EFEMP1: variants seen among roughly 807,000 people sequenced by gnomAD.
EFEMP1 encodes EGF-like fibulin extracellular matrix protein 1, also known as EGF-containing fibulin-like extracellular matrix protein 1.
EFEMP1 carries 18 observed loss-of-function variants against 65.7 expected under a neutral mutation model. The ratio of observed to expected loss-of-function variants is 0.27; its 90% CI spans 0.19 to 0.41. The LOEUF is 0.41. EFEMP1 is among the 10% of genes least tolerant of loss of function. The pLI, the probability that EFEMP1 is intolerant of heterozygous loss-of-function variation, is 1.00. For synonymous variants in EFEMP1, 237 were observed against 219.7 expected (o/e 1.08, Z -0.70); for missense variants, 469 against 624.8 (o/e 0.75, Z 2.66).
chr2:55,871,149 T>C lies in EFEMP1; in HGVS notation c.1001-26A>G. On this transcript the variant is annotated intron_variant, in intron 9 of 11. Coordinates refer to ENST00000355426, the MANE Select transcript of EFEMP1 (RefSeq NM_001039348.3). The surrounding 1 kb of genome is among the most constrained non-coding windows in gnomAD (Gnocchi z 4.2). ...CTGTAGAGATGTAGGGTCAAAGAGT[T>C]TACTAACTAAACTAATGAACTGATC... The C allele has an allele frequency of 6.2e-7, 1 of 1,612,990 alleles. No individual in the cohort carries two copies. Among genetic ancestry groups the C allele is most frequent in the Non-Finnish European group, 8.5e-7 (1 of 1,179,420 alleles).
rs1011739087 is a variant in EFEMP1 at position 55,922,884 on chromosome 2, T to C, written c.-8+15A>G. 7 of 1,131,122 alleles carry C rather than the reference T, an allele frequency of 6.2e-6. No individual in the cohort carries two copies. In the East Asian group the frequency reaches 3.8e-4, roughly 61 times the overall value. The allele number at this position is 1,131,122 out of a possible 1,614,324, so 70.1% of individuals were successfully genotyped here. On this transcript the variant is annotated intron_variant, in intron 2 of 11. Coordinates refer to ENST00000355426, the MANE Select transcript of EFEMP1 (RefSeq NM_001039348.3). This position sits in a 1 kb window ranked among gnomAD's most constrained non-coding sequence, Gnocchi z 5.5. Reference sequence around the variant, plus strand: ...TCTGTTCTCTAGAACGTTAAGGCTTTCCCAGTATACTCACCTTGAGCTAGC... The same window carrying C: ...TCTGTTCTCTAGAACGTTAAGGCTTCCCCAGTATACTCACCTTGAGCTAGC...
At chr2:55,915,627 G>GT (rs936834309) in intron 5 of EFEMP1, among the ~76,000 whole-genome samples, 11 of 150,560 alleles carry the variant, frequency 7.3e-5, no homozygotes, top group South Asian at 4.2e-4. Flanking sequence ...CATTTATCTG[G>GT]TTTTTTTTTC....
Position 55,875,022 on chromosome 2 carries a change from T to C in EFEMP1, c.924A>G (p.Gln308=), listed in dbSNP as rs146846635. The C allele has an allele frequency of 1.4e-5, 23 of 1,608,126 alleles. No homozygotes were observed. The African/African-American group carries it at 2.6e-4, about 18-fold the overall frequency. ...AGAATTTCCCAGGTTCATTGACACA[T>C]TGATATTGACACAGGTAGCTTGAGG... ...CRTSSYLCQY[Q]CVNEPGKFSC... is the part of the protein sequence containing the mutation. The change falls in exon 9 of 12, where the codon CAA becomes CAG. Residue 308 remains glutamine, a synonymous_variant. Coordinates refer to ENST00000355426, the MANE Select transcript of EFEMP1 (RefSeq NM_001039348.3).
intron 5 of EFEMP1, among the ~76,000 whole-genome samples, chr2:55,908,098 G>A (rs1048326266): frequency 1.3e-5 from 2 of 152,120 alleles, no homozygotes; most frequent in African/African-American, 4.8e-5. Context: ...GCTCCCCCGA[G>A]CTTCTCTACT....
intron 3 of EFEMP1, among the ~76,000 whole-genome samples, chr2:55,918,987 T>C (rs1410355573): frequency 6.6e-6 from 1 of 152,156 alleles, no homozygotes; most frequent in Non-Finnish European, 1.5e-5. Flanking sequence ...AGGTGCCTTC[T>C]ACAAGTGTAT....
Position 55,922,332 on chromosome 2 carries a change from A to C in EFEMP1, c.81+28T>G. The stretch of plus-strand genomic sequence containing the variant: ...TTGTCACAGAATCCCGCTGAACCGT[A>C]CTTATTTCAAATTCCATCACCCCTT... On this transcript the variant is annotated intron_variant, in intron 3 of 11. Transcript: ENST00000355426. This position sits in a 1 kb window ranked among gnomAD's most constrained non-coding sequence, Gnocchi z 5.5. The C allele has an allele frequency of 1.2e-6, 2 of 1,606,302 alleles. No individual in the cohort carries two copies. The highest frequency in any genetic ancestry group is 1.7e-6 in the Non-Finnish European group (2 of 1,173,086).
At chr2:55,881,542 T>A in intron 6 of EFEMP1, 70 bp downstream of exon 6, 8 of 1,600,268 alleles carry the variant, frequency 5.0e-6, no homozygotes, top group Non-Finnish European at 6.0e-6. Flanking sequence ...ATGCTTTGAT[T>A]GGAATGCTTG....
chr2:55,893,019 A>G (rs60421193), intron 5 of EFEMP1, among the ~76,000 whole-genome samples: 10,532 of 152,192 alleles, frequency 0.069, 795 homozygotes, highest in African/African-American at 0.18. Context: ...TAGAAATGTA[A>G]TAATTTGTTT....
chr2:55,909,527 A>G (rs568909606), intron 5 of EFEMP1, among the ~76,000 whole-genome samples: 1 of 152,152 alleles, frequency 6.6e-6, no homozygotes, highest in South Asian at 2.1e-4. Context: ...AATGCTTCTC[A>G]CTTGTTCTGT....
intron 5 of EFEMP1, among the ~76,000 whole-genome samples, chr2:55,908,332 C>T (rs1670357669): frequency 6.6e-6 from 1 of 152,058 alleles, no homozygotes; most frequent in African/African-American, 2.4e-5. Context: ...ATGTTTTCTA[C>T]CCTTACAGAA....
intron 5 of EFEMP1, among the ~76,000 whole-genome samples, chr2:55,899,960 T>C (rs563984460): frequency 6.6e-6 from 1 of 151,162 alleles, no homozygotes; most frequent in East Asian, 1.9e-4. Flanking sequence ...CTGGTTTCAG[T>C]TTAATTTTTT....
In EFEMP1 at chr2:55,867,936, G is replaced by C. The variant is rs575762762; in HGVS notation, c.1321-702C>G. Among the ~76,000 whole-genome samples, 4 of 152,272 alleles carry C rather than the reference G, an allele frequency of 2.6e-5. No homozygotes were observed. The highest frequency in any genetic ancestry group is 6.5e-5 in the Admixed American group (1 of 15,286). Reference sequence around the variant, plus strand: ...GAGAGGCAGGTAAGTGGATGTGTGAGTTTGAATGCCAAGGGATAGAGTCAT... The same window carrying C: ...GAGAGGCAGGTAAGTGGATGTGTGACTTTGAATGCCAAGGGATAGAGTCAT... On this transcript the variant is annotated intron_variant, in intron 11 of 11. Transcript: ENST00000355426. The surrounding 1 kb of genome is among the most constrained non-coding windows in gnomAD (Gnocchi z 4.3).
intron 5 of EFEMP1, among the ~76,000 whole-genome samples, chr2:55,892,870 A>T (rs1461952089): frequency 6.6e-6 from 1 of 152,132 alleles, no homozygotes; most frequent in African/African-American, 2.4e-5. Flanking sequence ...TAGATCTGTT[A>T]TATATACTTA....
In EFEMP1 at chr2:55,873,519, T is replaced by C. The variant is rs1008427687; in HGVS notation, c.1000+1427A>G. Among the ~76,000 whole-genome samples the C allele has an allele frequency of 6.6e-6, 1 of 152,070 alleles. No homozygotes were observed. Among genetic ancestry groups the C allele is most frequent in the Non-Finnish European group, 1.5e-5 (1 of 67,964 alleles). ...TGATCAGAAACACATAGATATTTGT[T>C]TGAAGGACTCCAGAGAAATTTGTTA... On this transcript the variant is annotated intron_variant, in intron 9 of 11. Coordinates refer to ENST00000355426, the MANE Select transcript of EFEMP1 (RefSeq NM_001039348.3). This position sits in a 1 kb window ranked among gnomAD's most constrained non-coding sequence, Gnocchi z 4.6.
In EFEMP1 at chr2:55,867,997, A is replaced by G. The variant is rs1668648777; in HGVS notation, c.1321-763T>C. On this transcript the variant is annotated intron_variant, in intron 11 of 11. Coordinates refer to ENST00000355426, the MANE Select transcript of EFEMP1 (RefSeq NM_001039348.3). The surrounding 1 kb of genome is among the most constrained non-coding windows in gnomAD (Gnocchi z 4.3). ...TTAGCAGTCACCTCAATGGGTGGACATTAAACCAAGGGAGAGAATGCTTTG... is the reference window on the plus strand; with the variant it reads ...TTAGCAGTCACCTCAATGGGTGGACGTTAAACCAAGGGAGAGAATGCTTTG... Among the ~76,000 whole-genome samples the G allele has an allele frequency of 6.6e-6, 1 of 152,154 alleles. No individual in the cohort carries two copies. The highest frequency in any genetic ancestry group is 2.4e-5 in the African/African-American group (1 of 41,438).
In EFEMP1 at chr2:55,921,650, G is replaced by A. The variant is rs1205925398; in HGVS notation, c.81+710C>T. Among the ~76,000 whole-genome samples, 3 of 152,224 alleles carry A rather than the reference G, an allele frequency of 2.0e-5. No individual in the cohort carries two copies. The highest frequency in any genetic ancestry group is 1.9e-4 in the East Asian group (1 of 5,200). On this transcript the variant is annotated intron_variant, in intron 3 of 11. Coordinates refer to ENST00000355426, the MANE Select transcript of EFEMP1 (RefSeq NM_001039348.3). This position sits in a 1 kb window ranked among gnomAD's most constrained non-coding sequence, Gnocchi z 4.1. The stretch of plus-strand genomic sequence containing the variant: ...ACCACAACTATTTGTAGCAGTGGGA[G>A]GGGTCAGGTGATCTTTTTAATATTT...
At position 55,922,796 on chromosome 2, in the gene EFEMP1, G is replaced by A; in HGVS notation, c.-8+103C>T. 1.1e-6 allele frequency: 1 copy of A among 887,978 alleles called. No homozygotes were observed. The highest frequency in any genetic ancestry group is 1.5e-6 in the Non-Finnish European group (1 of 670,920). 55.0% of individuals were successfully genotyped at this position (887,978 alleles called of 1,614,324 possible). A position where few individuals can be genotyped will look rare whatever the true frequency, so the allele number is the denominator to read the frequency against. ...GAAAAAACAGTAATCCATTTCAAAG[G>A]GGACGGTGCATTTCCTGCCCCCCAG... On this transcript the variant is annotated intron_variant, in intron 2 of 11. Transcript: ENST00000355426. This position sits in a 1 kb window ranked among gnomAD's most constrained non-coding sequence, Gnocchi z 5.5.
intron 11 of EFEMP1, among the ~76,000 whole-genome samples, chr2:55,869,044 A>T (rs1668698536): frequency 1.3e-5 from 2 of 152,118 alleles, no homozygotes; most frequent in South Asian, 4.1e-4. Context: ...GAAATATCAA[A>T]ATTGGCAATG....
chr2:55,877,694 A>G lies in EFEMP1; in HGVS notation c.760+52T>C. The G allele has an allele frequency of 6.2e-7, 1 of 1,611,128 alleles. No homozygotes were observed. Among genetic ancestry groups the G allele is most frequent in the African/African-American group, 1.3e-5 (1 of 74,926 alleles). On this transcript the variant is annotated intron_variant, in intron 7 of 11. Coordinates refer to ENST00000355426, the MANE Select transcript of EFEMP1 (RefSeq NM_001039348.3). This position sits in a 1 kb window ranked among gnomAD's most constrained non-coding sequence, Gnocchi z 4.5. ...AAAACTGGAAATACTGCAACATGGCATGGGGTTTCCTTTTGTGAAGACAGA... is the reference window on the plus strand; with the variant it reads ...AAAACTGGAAATACTGCAACATGGCGTGGGGTTTCCTTTTGTGAAGACAGA...
Sources: allele counts gnomAD v4.1 joint callset (sites outside exome capture counted in the v4.1 genomes callset), GRCh38; gene constraint gnomAD v4.1.1; non-coding constraint Gnocchi (gnomAD v3.1); transcripts MANE v1.5; gene names NCBI Gene and HGNC (gene_info 2026-07-23, HGNC 2026-07-21).